Variants in ARHGEF18 observed in about 807,000 individuals in gnomAD.
The protein encoded by ARHGEF18 is Rho/Rac guanine nucleotide exchange factor 18, also known as rho guanine nucleotide exchange factor 18.
ARHGEF18 carries 93 observed loss-of-function variants against 155.7 expected under a neutral mutation model. The ratio of observed to expected loss-of-function variants is 0.60; its 90% CI spans 0.50 to 0.71. ARHGEF18 has a LOEUF of 0.71. Among genes scored for constraint, ARHGEF18 ranks in the 30% least tolerant of loss-of-function variants. ARHGEF18 has a pLI of 0.00. For missense variants in ARHGEF18, 1,593 were observed against 1,816.1 expected (o/e 0.88, Z 2.23); for synonymous variants, 742 against 753.1 (o/e 0.99, Z 0.24).
chr19:7,363,865 AAG>A (rs1341567810), intron 2 of ARHGEF18, among the ~76,000 whole-genome samples: 1 of 150,518 alleles, frequency 6.6e-6, no homozygotes, highest in Non-Finnish European at 1.5e-5. Context: ...GGAAGGAAAA[AAG>A]GAAGAAAGGA....
At chr19:7,427,019 G>A (rs1433052151) in intron 10 of ARHGEF18, among the ~76,000 whole-genome samples, 1 of 152,118 alleles carries the variant, frequency 6.6e-6, no homozygotes, top group Admixed American at 6.6e-5. Flanking sequence ...GGCACTTTGG[G>A]GTTAGAGGTG....
intron 7 of ARHGEF18, among the ~76,000 whole-genome samples, chr19:7,380,268 G>A (rs1469187977): frequency 2.0e-5 from 3 of 151,888 alleles, no homozygotes; most frequent in African/African-American, 4.8e-5. Context: ...CACGAGGTCA[G>A]GAGATCGAGA....
chr19:7,358,215 T>TTCCATCCA (rs151337455), intron 1 of ARHGEF18, among the ~76,000 whole-genome samples: 5,640 of 142,772 alleles, frequency 0.04, 387 homozygotes, highest in Admixed American at 0.16. Context: ...CCATCCATCC[T>TTCCATCCA]TCCATCCATC....
At chr19:7,461,418 T>C (rs1459640346) in intron 20 of ARHGEF18, among the ~76,000 whole-genome samples, 3 of 152,064 alleles carry the variant, frequency 2.0e-5, no homozygotes, top group East Asian at 3.9e-4. Context: ...GGCATGGTGG[T>C]GCGTGCCTAT....
chr19:7,464,676 G>A lies in ARHGEF18; in HGVS notation c.2890G>A (p.Glu964Lys), dbSNP rs746996396. 1.2e-6 allele frequency: 2 copies of A among 1,614,008 alleles called. No homozygotes were observed. Among genetic ancestry groups the A allele is most frequent in the Non-Finnish European group, 1.7e-6 (2 of 1,179,990 alleles). Reference sequence around the variant, plus strand: ...CAGTGACATTCCTGGGAGCTCTGAGGAATCGCCGCAGGTGGTACGTGGATA... The same window carrying A: ...CAGTGACATTCCTGGGAGCTCTGAGAAATCGCCGCAGGTGGTACGTGGATA... ...SDSDIPGSSE[E>K]SPQVVEAPGT... The change falls in exon 23 of 29, where the codon GAA becomes AAA. Residue 964 changes from glutamate (E) to lysine (K), a missense_variant. Transcript: ENST00000668164.
chr19:7,424,776 A>G (rs1167841383), intron 10 of ARHGEF18, among the ~76,000 whole-genome samples: 1 of 152,074 alleles, frequency 6.6e-6, no homozygotes, highest in Non-Finnish European at 1.5e-5. Flanking sequence ...CGGGCGGATC[A>G]CGAGTTCAGG....
At chr19:7,415,422 G>A (rs1317597307) in intron 10 of ARHGEF18, among the ~76,000 whole-genome samples, 4 of 151,312 alleles carry the variant, frequency 2.6e-5, no homozygotes, top group East Asian at 1.9e-4. Flanking sequence ...GTCCCCCTGC[G>A]TCCACCAGCA....
intron 2 of ARHGEF18, among the ~76,000 whole-genome samples, chr19:7,369,253 G>A (rs1226895981): frequency 6.6e-6 from 1 of 151,842 alleles, no homozygotes; most frequent in East Asian, 1.9e-4. Flanking sequence ...TCTGAGGTCG[G>A]GGGTTTGAGA....
At chr19:7,439,684 GGC>G in intron 10 of ARHGEF18, 1 of 1,212,048 alleles carries the variant, frequency 8.3e-7, no homozygotes, top group Non-Finnish European at 1.0e-6. Flanking sequence ...GACCAGGGGC[GGC>G]TAAACACCAT....
At chr19:7,383,227 C>G (rs1212630771) in intron 10 of ARHGEF18, 24 bp downstream of exon 10, 4 of 1,232,232 alleles carry the variant, frequency 3.2e-6, no homozygotes. Flanking sequence ...CCCAATCCAT[C>G]CTCCTGGAGG....
intron 9 of ARHGEF18, 36 bp downstream of exon 9, chr19:7,382,930 C>T (rs963468831): frequency 2.2e-5 from 27 of 1,232,310 alleles, no homozygotes; most frequent in Non-Finnish European, 2.6e-5. Flanking sequence ...CCTCCTCTGC[C>T]TTCCCCAGCT....
At chr19:7,445,219 G>A (rs1974912096) in intron 14 of ARHGEF18, among the ~76,000 whole-genome samples, 1 of 152,176 alleles carries the variant, frequency 6.6e-6, no homozygotes, top group Admixed American at 6.5e-5. Flanking sequence ...GGCCAAGCAG[G>A]TGAATTGCTT....
chr19:7,473,414 G>A, downstream of ARHGEF18: 1 of 401,030 alleles, frequency 2.5e-6, no homozygotes, highest in Non-Finnish European at 5.0e-6. Flanking sequence ...TGTAATCCCA[G>A]CATTTTGGGG....
At chr19:7,456,914 T>G (rs1221996630) in intron 18 of ARHGEF18, among the ~76,000 whole-genome samples, 1 of 152,078 alleles carries the variant, frequency 6.6e-6, no homozygotes, top group Non-Finnish European at 1.5e-5. Context: ...TTTTGTATTT[T>G]TAGTAGAGAC....
At chr19:7,423,558 G>A (rs989983779) in intron 10 of ARHGEF18, among the ~76,000 whole-genome samples, 8 of 151,896 alleles carry the variant, frequency 5.3e-5, no homozygotes, top group African/African-American at 9.7e-5. Context: ...AAAATTAGCC[G>A]GGCGTGGTAA....
intron 10 of ARHGEF18, among the ~76,000 whole-genome samples, chr19:7,429,819 CT>C (rs1973858774): frequency 6.6e-6 from 1 of 152,166 alleles, no homozygotes; most frequent in African/African-American, 2.4e-5. Context: ...GGAGAGGGTG[CT>C]GTCTCCTGGC....
chr19:7,365,391 C>A (rs1382971214), intron 2 of ARHGEF18, among the ~76,000 whole-genome samples: 1 of 152,180 alleles, frequency 6.6e-6, no homozygotes, highest in African/African-American at 2.4e-5. Context: ...CACACCATTG[C>A]ACTCCAGCCT....
chr19:7,454,137 G>A (rs914355446), intron 17 of ARHGEF18, among the ~76,000 whole-genome samples: 4 of 151,048 alleles, frequency 2.6e-5, no homozygotes, highest in African/African-American at 2.4e-5. Flanking sequence ...TATTGGATTG[G>A]TGGGTGCCAT....
intron 10 of ARHGEF18, among the ~76,000 whole-genome samples, chr19:7,438,667 T>C (rs1974427433): frequency 1.3e-5 from 2 of 152,124 alleles, no homozygotes; most frequent in African/African-American, 4.8e-5. Context: ...CACCTTGGCC[T>C]CCCAAAGTGC....
Sources: allele counts gnomAD v4.1 joint callset (sites outside exome capture counted in the v4.1 genomes callset), GRCh38; gene constraint gnomAD v4.1.1; transcripts MANE v1.5; gene names NCBI Gene and HGNC (gene_info 2026-07-23, HGNC 2026-07-21).